Variants in TAFA1 observed in about 807,000 individuals in gnomAD.
The protein encoded by TAFA1 is TAFA chemokine like family member 1, also known as chemokine-like protein TAFA-1.
In TAFA1, 4 loss-of-function variants were observed where a neutral mutation model predicts 18.5. The observed-to-expected ratio is 0.22, with a 90% CI of 0.11 to 0.49. The LOEUF (loss-of-function observed/expected upper bound fraction) is 0.49. Ranked by LOEUF, TAFA1 falls within the 20% of genes least tolerant of loss-of-function variation. TAFA1 has a pLI of 0.98. For synonymous variants in TAFA1, 56 were observed against 55.2 expected (o/e 1.01, Z -0.06); for missense variants, 147 against 169.0 (o/e 0.87, Z 0.72).
At chr3:68,439,926 C>T (rs1460728856) in intron 3 of TAFA1, among the ~76,000 whole-genome samples, 1 of 152,138 alleles carries the variant, frequency 6.6e-6, no homozygotes, top group Non-Finnish European at 1.5e-5. Context: ...TTATGCCTAA[C>T]ATAATACAAC....
At chr3:68,447,821 A>C (rs1042204237) in intron 3 of TAFA1, among the ~76,000 whole-genome samples, 3 of 152,220 alleles carry the variant, frequency 2.0e-5, no homozygotes, top group Non-Finnish European at 4.4e-5. Context: ...GGAAAGCTAT[A>C]TTCTGTTCTT....
intron 2 of TAFA1, among the ~76,000 whole-genome samples, chr3:68,282,172 A>G (rs1230408145): frequency 6.6e-6 from 1 of 152,206 alleles, no homozygotes; most frequent in African/African-American, 2.4e-5. Context: ...CCATGATTCA[A>G]TTACGTCCCA....
intron 2 of TAFA1, among the ~76,000 whole-genome samples, chr3:68,160,708 C>T (rs893952308): frequency 6.6e-6 from 1 of 152,152 alleles, no homozygotes; most frequent in Admixed American, 6.5e-5. Flanking sequence ...ATCAATTTCC[C>T]TACCGTCACA....
chr3:68,115,737 T>C (rs1055569947), intron 2 of TAFA1, among the ~76,000 whole-genome samples: 5 of 152,198 alleles, frequency 3.3e-5, no homozygotes, highest in African/African-American at 7.2e-5. Flanking sequence ...CTACACCTTA[T>C]TGGTTTATTC....
chr3:68,262,580 A>G (rs1024063273), intron 2 of TAFA1, among the ~76,000 whole-genome samples: 1 of 151,928 alleles, frequency 6.6e-6, no homozygotes, highest in African/African-American at 2.4e-5. Context: ...AATGGCCTCC[A>G]GCTCCATCAT....
chr3:68,358,474 G>A (rs2069405891), intron 2 of TAFA1, among the ~76,000 whole-genome samples: 1 of 151,890 alleles, frequency 6.6e-6, no homozygotes, highest in Non-Finnish European at 1.5e-5. Context: ...GAGAGGTCAA[G>A]CAACTTGCCC....
At chr3:68,105,952 T>C (rs1420047252) in intron 2 of TAFA1, among the ~76,000 whole-genome samples, 1 of 152,160 alleles carries the variant, frequency 6.6e-6, no homozygotes, top group East Asian at 1.9e-4. Flanking sequence ...CTGTAGGTAA[T>C]GCAAGTGTTG....
At chr3:68,282,239 TG>T (rs2107258864) in intron 2 of TAFA1, among the ~76,000 whole-genome samples, 1 of 152,292 alleles carries the variant, frequency 6.6e-6, no homozygotes, top group Non-Finnish European at 1.5e-5. Context: ...AGATGAGATT[TG>T]GGTGGGGACA....
intron 2 of TAFA1, among the ~76,000 whole-genome samples, chr3:68,169,250 G>C (rs1035309247): frequency 6.6e-6 from 1 of 151,992 alleles, no homozygotes; most frequent in Non-Finnish European, 1.5e-5. Flanking sequence ...ACTTGCTCTG[G>C]ACGGTACGGG....
At chr3:68,340,666 A>G (rs1180427221) in intron 2 of TAFA1, among the ~76,000 whole-genome samples, 2 of 152,116 alleles carry the variant, frequency 1.3e-5, no homozygotes, top group East Asian at 3.9e-4. Context: ...TTTCTAGCCT[A>G]GGCACATTAG....
intron 2 of TAFA1, among the ~76,000 whole-genome samples, chr3:68,022,010 G>C (rs1704701893): frequency 6.6e-6 from 1 of 152,106 alleles, no homozygotes; most frequent in Admixed American, 6.5e-5. Flanking sequence ...TTTCTGGCAA[G>C]CAGAGCATCA....
At chr3:68,096,426 A>G (rs558315783) in intron 2 of TAFA1, among the ~76,000 whole-genome samples, 1 of 152,282 alleles carries the variant, frequency 6.6e-6, no homozygotes, top group East Asian at 1.9e-4. Flanking sequence ...CTCATTTTAC[A>G]GATCAGGAAA....
chr3:68,392,594 T>C (rs1405999122), intron 2 of TAFA1, among the ~76,000 whole-genome samples: 1 of 152,078 alleles, frequency 6.6e-6, no homozygotes, highest in Non-Finnish European at 1.5e-5. Context: ...ATTCTAAAAC[T>C]GGCCACATAC....
intron 2 of TAFA1, among the ~76,000 whole-genome samples, chr3:68,144,759 T>G (rs1162217489): frequency 1.3e-5 from 2 of 152,356 alleles, no homozygotes; most frequent in African/African-American, 4.8e-5. Context: ...AACCTAGTTT[T>G]TCTGTAGTAA....
rs1418746908 is a variant in TAFA1, at chr3:68,291,153, A to T, written c.119-126127A>T. Among the ~76,000 whole-genome samples, 3 of 152,284 alleles carry T rather than the reference A, an allele frequency of 2.0e-5. No individual in the cohort carries two copies. The East Asian group carries it at 5.8e-4, about 29-fold the overall frequency. The stretch of plus-strand genomic sequence containing the variant: ...TATGAAGATTTTTGGATCTGACAGC[A>T]ACATGGACTCAATATATAGGTGTTG... On this transcript the variant is annotated intron_variant, in intron 2 of 4. Transcript: ENST00000478136.
At chr3:68,049,235 A>T (rs190381510) in intron 2 of TAFA1, among the ~76,000 whole-genome samples, 144 of 152,306 alleles carry the variant, frequency 9.5e-4, no homozygotes, top group African/African-American at 3.3e-3. Context: ...TTAAAAGGAA[A>T]TAAACTCTAA....
chr3:68,469,487 A>G (rs6782501), intron 3 of TAFA1, among the ~76,000 whole-genome samples: 116,338 of 151,918 alleles, frequency 0.77, 44,746 homozygotes, highest in African/African-American at 0.84. Flanking sequence ...ATCCTGGCTA[A>G]CAAGGTGAAA....
At position 68,112,629 on chromosome 3, in the gene TAFA1, A is replaced by G. The variant is rs200723963; in HGVS notation, c.118+105885A>G. 2.6e-5 allele frequency among the ~76,000 whole-genome samples: 4 copies of G among 152,150 alleles called. No homozygotes were observed. The East Asian group carries it at 7.7e-4, about 29-fold the overall frequency. On this transcript the variant is annotated intron_variant, in intron 2 of 4. Coordinates refer to ENST00000478136, the MANE Select transcript of TAFA1 (RefSeq NM_213609.4). The stretch of plus-strand genomic sequence containing the variant: ...TTTAATGTTGTATCCTTGGCCCTAG[A>G]TAGTTCAGTAATGCAAGAAAAAAAT...
intron 3 of TAFA1, among the ~76,000 whole-genome samples, chr3:68,482,901 C>G (rs144669862): frequency 0.015 from 2,224 of 152,320 alleles, 28 homozygotes; most frequent in Non-Finnish European, 0.021. Flanking sequence ...GTTGAAGCCT[C>G]TGGTCCTGGA....
Sources: allele counts gnomAD v4.1 joint callset (sites outside exome capture counted in the v4.1 genomes callset), GRCh38; gene constraint gnomAD v4.1.1; transcripts MANE v1.5; gene names NCBI Gene and HGNC (gene_info 2026-07-23, HGNC 2026-07-21).